NMT2: variants seen among roughly 807,000 people sequenced by gnomAD.
The protein encoded by NMT2 is glycylpeptide N-tetradecanoyltransferase 2.
Under a neutral mutation model 65.4 loss-of-function variants are expected in NMT2, and 35 were observed. The ratio of observed to expected loss-of-function variants is 0.54; its 90% CI spans 0.41 to 0.71. NMT2 has a LOEUF of 0.71. Among genes scored for constraint, NMT2 ranks in the 30% least tolerant of loss-of-function variants. The pLI, the probability that NMT2 is intolerant of heterozygous loss-of-function variation, is 0.00. For missense variants in NMT2, 489 were observed against 611.3 expected (o/e 0.80, Z 2.11); for synonymous variants, 226 against 231.8 (o/e 0.98, Z 0.23).
intron 8 of NMT2, among the ~76,000 whole-genome samples, chr10:15,120,358 T>C (rs1845887099): frequency 6.6e-6 from 1 of 152,172 alleles, no homozygotes. Flanking sequence ...CTCGGGAGGC[T>C]GAGGCAGGAG....
intron 10 of NMT2, among the ~76,000 whole-genome samples, chr10:15,110,843 T>A (rs1217841524): frequency 2.0e-5 from 3 of 152,192 alleles, no homozygotes; most frequent in South Asian, 2.1e-4. Flanking sequence ...CAGGCTGGAA[T>A]ACAGTGGCAT....
chr10:15,113,385 G>T (rs921891199), intron 9 of NMT2, among the ~76,000 whole-genome samples: 5 of 142,716 alleles, frequency 3.5e-5, no homozygotes, highest in Non-Finnish European at 6.0e-5. Flanking sequence ...CTGGAGAATC[G>T]CTTGAACCCC....
chr10:15,154,307 T>C (rs1832913311), intron 1 of NMT2, among the ~76,000 whole-genome samples: 1 of 152,212 alleles, frequency 6.6e-6, no homozygotes, highest in South Asian at 2.1e-4. Context: ...AATAGGGGAC[T>C]AAATAAATAA....
Position 15,109,735 on chromosome 10 carries a change from G to A in NMT2, c.1443C>T (p.Tyr481=), listed in dbSNP as rs1288886191. Residue 481 remains tyrosine (Y), a synonymous_variant, in exon 11 of 12, where the codon TAC becomes TAT. Transcript: ENST00000378165. ...IGDGNLQYYL[Y]NWRCPGTDSE... ...AATCTGTACCTGGACACCTCCAATT[G>A]TACAGGTAATACTGCAAATTGCCAT... 6.2e-7 allele frequency: 1 copy of A among 1,613,102 alleles called. No homozygotes were observed. Among genetic ancestry groups the A allele is most frequent in the South Asian group, 1.1e-5 (1 of 90,800 alleles).
intron 2 of NMT2, among the ~76,000 whole-genome samples, chr10:15,137,030 G>C (rs1419029443): frequency 2.0e-5 from 3 of 152,148 alleles, no homozygotes; most frequent in African/African-American, 7.2e-5. Context: ...GAAGTTTCAA[G>C]AGCCCTTCGG....
At chr10:15,113,294 C>G (rs1845628912) in intron 9 of NMT2, among the ~76,000 whole-genome samples, 2 of 151,222 alleles carry the variant, frequency 1.3e-5, no homozygotes, top group Admixed American at 6.6e-5. Flanking sequence ...CATGGTGAAA[C>G]CCCATCTCTA....
chr10:15,133,131 T>C lies in NMT2; in HGVS notation c.524A>G (p.Tyr175Cys). 5 of 1,613,544 alleles carry C rather than the reference T, an allele frequency of 3.1e-6. No homozygotes were observed. The highest frequency in any genetic ancestry group is 2.5e-6 in the Non-Finnish European group (3 of 1,179,408). Residue 175 changes from tyrosine to cysteine, a missense_variant, in exon 5 of 12, where the codon TAC (tyrosine) becomes TGC (cysteine). By Grantham distance (194) the Tyr-to-Cys change is radical (BLOSUM62 -2). Transcript: ENST00000378165. ...TACGTAATTCTCATTTAACAACGTG[T>C]ATAACTCCTTGAGCTATAAGATAAA... ...LSDAEVLKELYTLLNENYVED... is the reference protein window; with the variant it reads ...LSDAEVLKELCTLLNENYVED...
At chr10:15,146,506 G>A (rs926375438) in intron 1 of NMT2, among the ~76,000 whole-genome samples, 5 of 152,192 alleles carry the variant, frequency 3.3e-5, no homozygotes, top group Admixed American at 3.3e-4. Flanking sequence ...GAAGTGATGT[G>A]TGTCACTTCC....
chr10:15,127,584 AAATAAAT>A (rs1564568517), intron 8 of NMT2, among the ~76,000 whole-genome samples: 9 of 76,196 alleles, frequency 1.2e-4, no homozygotes, highest in East Asian at 8.0e-4. Context: ...ATAAATAAAT[AAATAAAT>A]AAATAAAATA....
Position 15,109,079 on chromosome 10 carries a change from C to T in NMT2, c.*116G>A. ...GACTTTTGTCATCTTTTCTGATTAT[C>T]GACTACTTCAATTTCACTTGAGTTG... is the stretch of plus-strand genomic sequence containing the variant. On this transcript the variant is annotated 3_prime_UTR_variant, in exon 12 of 12. Coordinates refer to ENST00000378165, the MANE Select transcript of NMT2 (RefSeq NM_004808.3). The T allele has an allele frequency of 6.5e-6, 10 of 1,533,536 alleles. No individual in the cohort carries two copies. Among genetic ancestry groups the T allele is most frequent in the Non-Finnish European group, 8.7e-6 (10 of 1,149,708 alleles). The allele number at this position is 1,533,536 out of a possible 1,614,324, so 95.0% of individuals were successfully genotyped here. A position where few individuals can be genotyped will look rare whatever the true frequency, so the allele number is the denominator to read the frequency against.
At chr10:15,126,096 C>T (rs765736798) in intron 8 of NMT2, among the ~76,000 whole-genome samples, 40 of 151,974 alleles carry the variant, frequency 2.6e-4, no homozygotes, top group Admixed American at 1.3e-4. Context: ...GCTCCTGTTA[C>T]GTGTGGGCAG....
intron 8 of NMT2, among the ~76,000 whole-genome samples, chr10:15,120,007 C>G (rs1305672969): frequency 6.6e-6 from 1 of 152,098 alleles, no homozygotes; most frequent in Non-Finnish European, 1.5e-5. Flanking sequence ...CAACCTTAGA[C>G]GAAAAATATT....
At chr10:15,163,950 C>T (rs183182532) in intron 1 of NMT2, among the ~76,000 whole-genome samples, 1,952 of 152,096 alleles carry the variant, frequency 0.013, 45 homozygotes, top group African/African-American at 0.045. Flanking sequence ...GAGGCCGAGG[C>T]GGGCGGATCA....
intron 11 of NMT2, 125 bp downstream of exon 11, chr10:15,109,577 A>AT (rs1564555258): frequency 2.7e-6 from 2 of 738,554 alleles, no homozygotes; most frequent in South Asian, 7.9e-5. Context: ...TCTCAAAAAA[A>AT]TAAATAAATA....
rs759371040 is a variant in NMT2, at chr10:15,109,697, C to T, written c.1476+5G>A. The T allele has an allele frequency of 6.2e-7, 1 of 1,603,842 alleles. No homozygotes were observed. The highest frequency in any genetic ancestry group is 8.5e-7 in the Non-Finnish European group (1 of 1,176,310). On this transcript the variant is annotated splice_donor_5th_base_variant and intron_variant, in intron 11 of 11. Transcript: ENST00000378165. Reference sequence around the variant, plus strand: ...GTTTACAAGGGCTATATCCATTTCACTTACCTTTTCAGAATCTGTACCTGG... The same window carrying T: ...GTTTACAAGGGCTATATCCATTTCATTTACCTTTTCAGAATCTGTACCTGG...
Position 15,107,429 on chromosome 10 carries a change from T to C in NMT2, c.*1766A>G. ...CTTCTGCACTGAACTTCCTAGGCAC[T>C]GGCCCAGTAAAAGCAGGGAAAAGTA... On this transcript the variant is annotated 3_prime_UTR_variant, in exon 12 of 12. Coordinates refer to ENST00000378165, the MANE Select transcript of NMT2 (RefSeq NM_004808.3). 3 of 985,440 alleles carry C rather than the reference T, an allele frequency of 3.0e-6. No homozygotes were observed. Among genetic ancestry groups the C allele is most frequent in the African/African-American group, 1.7e-5 (1 of 57,362 alleles). The allele number at this position is 985,440 out of a possible 1,614,324, so 61.0% of individuals were successfully genotyped here.
intron 8 of NMT2, among the ~76,000 whole-genome samples, chr10:15,119,954 G>A (rs184894363): frequency 1.8e-3 from 281 of 152,298 alleles, no homozygotes; most frequent in Admixed American, 4.2e-3. Flanking sequence ...CTGGAGTACA[G>A]GCAGCCCTCC....
rs1832799503 is a variant in NMT2, at chr10:15,151,442, TA to T, written c.111-9886del. On this transcript the variant is annotated intron_variant, in intron 1 of 11. Coordinates refer to ENST00000378165, the MANE Select transcript of NMT2 (RefSeq NM_004808.3). Reference sequence around the variant, plus strand: ...TCTGATAAGAGATAATGTTAAACTATAATAAACTTTCATATAACACTCATTG... The same window carrying T: ...TCTGATAAGAGATAATGTTAAACTATATAAACTTTCATATAACACTCATTG... 2.0e-5 allele frequency among the ~76,000 whole-genome samples: 3 copies of T among 152,208 alleles called. No individual in the cohort carries two copies. In the East Asian group the frequency reaches 5.8e-4, roughly 29 times the overall value.
At chr10:15,136,397 G>C (rs1371109971) in intron 2 of NMT2, among the ~76,000 whole-genome samples, 2 of 141,160 alleles carry the variant, frequency 1.4e-5, no homozygotes, top group East Asian at 4.2e-4. Flanking sequence ...AGGAAGGTAG[G>C]GGGGAGAGAC....
Sources: allele counts gnomAD v4.1 joint callset (sites outside exome capture counted in the v4.1 genomes callset), GRCh38; gene constraint gnomAD v4.1.1; transcripts MANE v1.5; gene names NCBI Gene and HGNC (gene_info 2026-07-23, HGNC 2026-07-21).